Variants in URM1 observed in about 807,000 individuals in gnomAD.
The protein encoded by URM1 is ubiquitin related modifier 1.
Under a neutral mutation model 17.7 loss-of-function variants are expected in URM1, and 11 were observed. The ratio of observed to expected loss-of-function variants is 0.62; its 90% CI spans 0.39 to 1.03. URM1 has a LOEUF of 1.03. URM1 is among the 50% of genes least tolerant of loss of function. The probability of loss-of-function intolerance (pLI) is 0.00; values close to 1 mark genes in which losing one functional copy is unlikely to be tolerated. For synonymous variants in URM1, 48 were observed against 50.6 expected (o/e 0.95, Z 0.22); for missense variants, 128 against 129.2 (o/e 0.99, Z 0.04).
At chr9:128,389,488 G>T (rs1322698997) in intron 4 of URM1, 178 bp from the exon 5 acceptor site, 1 of 1,558,018 alleles carries the variant, frequency 6.4e-7, no homozygotes, top group Non-Finnish European at 8.7e-7. Flanking sequence ...GGTAGCTGGG[G>T]ACATGGGAGT....
intron 2 of URM1, among the ~76,000 whole-genome samples, chr9:128,385,626 C>T (rs930669971): frequency 2.0e-5 from 3 of 152,186 alleles, no homozygotes; most frequent in Admixed American, 2.0e-4. Flanking sequence ...TTCCTCCTCC[C>T]CTGGGCGCCT....
intron 2 of URM1, among the ~76,000 whole-genome samples, chr9:128,383,017 C>T (rs1346826120): frequency 6.6e-6 from 1 of 152,154 alleles, no homozygotes; most frequent in African/African-American, 2.4e-5. Flanking sequence ...CCTCTGCCTG[C>T]TCCACTTGTG....
chr9:128,386,640 G>A (rs560394496), intron 2 of URM1, among the ~76,000 whole-genome samples: 24 of 152,348 alleles, frequency 1.6e-4, no homozygotes, highest in Middle Eastern at 6.8e-3. Context: ...CCGTGTGTGC[G>A]TGCCACACTG....
intron 2 of URM1, among the ~76,000 whole-genome samples, chr9:128,380,800 TA>T (rs1833149850): frequency 6.6e-6 from 1 of 151,850 alleles, no homozygotes; most frequent in South Asian, 2.1e-4. Flanking sequence ...AACACCTGGC[TA>T]ATTTGTGTAT....
chr9:128,387,154 G>C lies in URM1; in HGVS notation c.107-662G>C, dbSNP rs533994274. Among the ~76,000 whole-genome samples the C allele has an allele frequency of 1.3e-5, 2 of 152,224 alleles. No individual in the cohort carries two copies. Among genetic ancestry groups the C allele is most frequent in the East Asian group, 1.9e-4 (1 of 5,198 alleles). On this transcript the variant is annotated intron_variant, in intron 2 of 4. Transcript: ENST00000372853. This position sits in a 1 kb window ranked among gnomAD's most constrained non-coding sequence, Gnocchi z 4.3. ...GCAGATCTCAGTGTTAGCTGAGCTG[G>C]AGAGGCCCTGTCACCCGAACCTCTG...
chr9:128,371,848 G>T (rs953739878), intron 1 of URM1, among the ~76,000 whole-genome samples: 4 of 152,158 alleles, frequency 2.6e-5, no homozygotes, highest in African/African-American at 9.7e-5. Flanking sequence ...CTTGTTTCTC[G>T]TGGGATGTAG....
chr9:128,389,326 A>G lies in URM1; in HGVS notation c.237+17A>G, dbSNP rs757412507. ...GAGCTACTGGTCAGTACCTTGGGGG[A>G]CATCCCTCCCCCAGCCCCTGCCCTT... On this transcript the variant is annotated intron_variant, in intron 4 of 4. Coordinates refer to ENST00000372853, the MANE Select transcript of URM1 (RefSeq NM_030914.4). 2.5e-6 allele frequency: 4 copies of G among 1,613,580 alleles called. No homozygotes were observed. The highest frequency in any genetic ancestry group is 3.4e-6 in the Non-Finnish European group (4 of 1,179,930).
intron 4 of URM1, 34 bp from the exon 5 acceptor site, chr9:128,389,632 T>G: frequency 6.2e-7 from 1 of 1,612,722 alleles, no homozygotes; most frequent in Non-Finnish European, 8.5e-7. Context: ...AAGGTGGCCC[T>G]GAGGGTCTCC....
intron 4 of URM1, 42 bp from the exon 5 acceptor site, chr9:128,389,624 G>C (rs539223531): frequency 6.2e-7 from 1 of 1,612,004 alleles, no homozygotes; most frequent in South Asian, 1.1e-5. Flanking sequence ...GACCTGGGAA[G>C]GTGGCCCTGA....
chr9:128,374,262 T>C (rs1404850794), intron 1 of URM1, among the ~76,000 whole-genome samples: 1 of 152,126 alleles, frequency 6.6e-6, no homozygotes, highest in Admixed American at 6.5e-5. Context: ...GACAGGTCAC[T>C]CTCTGAGCGA....
intron 2 of URM1, among the ~76,000 whole-genome samples, chr9:128,382,806 G>A (rs1833177119): frequency 6.6e-6 from 1 of 152,172 alleles, no homozygotes; most frequent in African/African-American, 2.4e-5. Context: ...AAGAAGTTGT[G>A]TGAGAGAAGG....
intron 2 of URM1, among the ~76,000 whole-genome samples, chr9:128,386,662 A>G (rs758580206): frequency 3.5e-4 from 54 of 152,240 alleles, no homozygotes; most frequent in Non-Finnish European, 6.6e-4. Context: ...GGGCCCAGAC[A>G]GGGCAGAGCA....
chr9:128,375,144 C>T (rs1833060743), intron 1 of URM1, among the ~76,000 whole-genome samples: 1 of 152,218 alleles, frequency 6.6e-6, no homozygotes, highest in African/African-American at 2.4e-5. Flanking sequence ...CTACCTCCTT[C>T]CTTCTTCCCT....
Position 128,387,943 on chromosome 9 carries a change from G to C in URM1, c.188+46G>C, listed in dbSNP as rs771975667. On this transcript the variant is annotated intron_variant, in intron 3 of 4. Transcript: ENST00000372853. The surrounding 1 kb of genome is among the most constrained non-coding windows in gnomAD (Gnocchi z 4.3). Reference sequence around the variant, plus strand: ...CCCTGAAGCAGGTGGAGGGAGGGACGGATATTTGAGCCCCCACCCTCGGGT... The same window carrying C: ...CCCTGAAGCAGGTGGAGGGAGGGACCGATATTTGAGCCCCCACCCTCGGGT... 1 of 1,611,542 alleles carries C rather than the reference G, an allele frequency of 6.2e-7. No individual in the cohort carries two copies. Among genetic ancestry groups the C allele is most frequent in the East Asian group, 2.2e-5 (1 of 44,846 alleles).
chr9:128,382,962 C>T (rs1833179280), intron 2 of URM1, among the ~76,000 whole-genome samples: 1 of 152,150 alleles, frequency 6.6e-6, no homozygotes, highest in Admixed American at 6.5e-5. Flanking sequence ...GACATGGCCG[C>T]CTCACCTTTC....
intron 2 of URM1, 28 bp downstream of exon 2, chr9:128,378,134 C>T (rs1833102590): frequency 1.3e-6 from 2 of 1,534,542 alleles, no homozygotes; most frequent in Admixed American, 3.5e-5. Context: ...GAACCCCTCT[C>T]TTGGGGCCAT....
chr9:128,389,917 G>GAGC lies in URM1; in HGVS notation c.*187_*189dup, dbSNP rs1588589351. 1.3e-6 allele frequency: 1 copy of GAGC among 779,710 alleles called. No individual in the cohort carries two copies. The highest frequency in any genetic ancestry group is 2.8e-5 in the East Asian group (1 of 36,116). The allele number at this position is 779,710 out of a possible 1,614,324, so 48.3% of individuals were successfully genotyped here. ...AAAAATGAGCCTTTCTCAAGCACGT[G>GAGC]AGCAGCGGAAGGCAGACAGGCGCCA... On this transcript the variant is annotated 3_prime_UTR_variant, in exon 5 of 5. Coordinates refer to ENST00000372853, the MANE Select transcript of URM1 (RefSeq NM_030914.4).
chr9:128,375,686 A>G (rs948101050), intron 1 of URM1, among the ~76,000 whole-genome samples: 1 of 152,072 alleles, frequency 6.6e-6, no homozygotes, highest in Non-Finnish European at 1.5e-5. Flanking sequence ...CAGCCTCCCA[A>G]GTAGCTGGGA....
intron 2 of URM1, among the ~76,000 whole-genome samples, chr9:128,384,032 G>T (rs1417190973): frequency 6.6e-6 from 1 of 152,226 alleles, no homozygotes; most frequent in East Asian, 1.9e-4. Context: ...GACACTGCCA[G>T]GCCTGCCTTG....
Sources: allele counts gnomAD v4.1 joint callset (sites outside exome capture counted in the v4.1 genomes callset), GRCh38; gene constraint gnomAD v4.1.1; non-coding constraint Gnocchi (gnomAD v3.1); transcripts MANE v1.5; gene names NCBI Gene and HGNC (gene_info 2026-07-23, HGNC 2026-07-21).